Variants in FZD6 observed in about 807,000 individuals in gnomAD.
The protein encoded by FZD6 is frizzled class receptor 6, also known as frizzled-6.
FZD6 carries 49 observed loss-of-function variants against 61.4 expected under a neutral mutation model. The observed-to-expected ratio is 0.80, with a 90% CI of 0.63 to 1.01. The LOEUF (loss-of-function observed/expected upper bound fraction) is 1.01. FZD6 is among the 50% of genes least tolerant of loss of function. The pLI is 0.00. For synonymous variants in FZD6, 265 were observed against 292.2 expected, an observed-to-expected ratio of 0.91 and a Z score of 0.95; for missense variants, 724 against 848.2, an observed-to-expected ratio of 0.85 and a Z score of 1.82.
intron 3 of FZD6, among the ~76,000 whole-genome samples, chr8:103,320,586 A>G (rs1428847690): frequency 8.7e-6 from 1 of 115,352 alleles, no homozygotes; most frequent in East Asian, 2.3e-4. Context: ...ATCTATCCCA[A>G]TGAGGTTTTT....
chr8:103,329,415 A>G (rs915797183), intron 5 of FZD6, among the ~76,000 whole-genome samples: 14 of 119,852 alleles, frequency 1.2e-4, no homozygotes, highest in Non-Finnish European at 2.3e-4. Flanking sequence ...TCTTGCCTTA[A>G]TTTCTTGCCA....
intron 2 of FZD6, chr8:103,307,898 ACT>A: frequency 2.2e-6 from 1 of 456,074 alleles, no homozygotes. Flanking sequence ...CTACTTGGGA[ACT>A]TATAAGCAAG....
At chr8:103,308,470 C>T (rs1291341150) in intron 2 of FZD6, among the ~76,000 whole-genome samples, 4 of 152,068 alleles carry the variant, frequency 2.6e-5, no homozygotes, top group Non-Finnish European at 5.9e-5. Flanking sequence ...ATAACATAGA[C>T]AGTGATTGAA....
intron 6 of FZD6, among the ~76,000 whole-genome samples, chr8:103,330,384 A>T (rs934587545): frequency 6.6e-6 from 1 of 152,228 alleles, no homozygotes; most frequent in African/African-American, 2.4e-5. Context: ...AATTCTGTCT[A>T]AAAAGTGTCA....
chr8:103,298,623 G>C (rs1814038873), upstream of FZD6: 1 of 152,068 alleles, frequency 6.6e-6, no homozygotes, highest in South Asian at 2.1e-4. Flanking sequence ...TGCGCCTCGG[G>C]GGTCGTAACA....
chr8:103,303,124 T>A (rs1443976954), intron 2 of FZD6, among the ~76,000 whole-genome samples: 1 of 152,200 alleles, frequency 6.6e-6, no homozygotes, highest in Non-Finnish European at 1.5e-5. Context: ...AAAGACCTGG[T>A]TCTAGAGCAC....
intron 6 of FZD6, among the ~76,000 whole-genome samples, chr8:103,331,045 CACCCA>C (rs1399702487): frequency 1.3e-5 from 2 of 152,072 alleles, no homozygotes; most frequent in Admixed American, 6.6e-5. Flanking sequence ...GGTGTGGTGG[CACCCA>C]CCTGTAGTCC....
rs1048279178 is a variant in FZD6, at chr8:103,324,713, G to C, written c.607G>C (p.Gly203Arg). The part of the protein sequence containing the change: ...DELEFAKSFI[G>R]TVSIFCLCAT... ...GCTAGAGTTTGCAAAAAGTTTTATT[G>C]GAACAGTTTCAATATTTTGTCTTTG... Residue 203 changes from glycine (G) to arginine (R), a missense_variant, in exon 4 of 7, where the codon GGA becomes CGA. Coordinates refer to ENST00000358755, the MANE Select transcript of FZD6 (RefSeq NM_003506.4). 6.2e-7 allele frequency: 1 copy of C among 1,613,926 alleles called. No homozygotes were observed. Among genetic ancestry groups the C allele is most frequent in the Non-Finnish European group, 8.5e-7 (1 of 1,179,878 alleles).
intron 2 of FZD6, chr8:103,307,651 G>C (rs1468748923): frequency 2.4e-6 from 1 of 417,118 alleles, no homozygotes; most frequent in Non-Finnish European, 4.6e-6. Context: ...TTCTTTCATT[G>C]ATTTTATATA....
chr8:103,324,664 C>T lies in FZD6; in HGVS notation c.558C>T (p.Pro186=). The T allele has an allele frequency of 1.2e-6, 2 of 1,614,024 alleles. No individual in the cohort carries two copies. The highest frequency in any genetic ancestry group is 2.2e-5 in the South Asian group (2 of 91,082). ...LGIDQCAPPC[P]NMYFKSDELE... ...TTGACCAGTGTGCGCCTCCATGCCCCAACATGTATTTTAAAAGTGATGAGC... is the reference window on the plus strand; with the variant it reads ...TTGACCAGTGTGCGCCTCCATGCCCTAACATGTATTTTAAAAGTGATGAGC... The change falls in exon 4 of 7, where the codon CCC becomes CCT. Residue 186 remains proline (P), a synonymous_variant. Transcript: ENST00000358755.
intron 4 of FZD6, among the ~76,000 whole-genome samples, chr8:103,327,250 T>C (rs1283582933): frequency 1.3e-5 from 2 of 152,180 alleles, no homozygotes; most frequent in African/African-American, 4.8e-5. Flanking sequence ...TTAACAGGGA[T>C]AGTAGAATAA....
At chr8:103,328,136 T>C in intron 4 of FZD6, 132 bp from the exon 5 acceptor site, 1 of 687,012 alleles carries the variant, frequency 1.5e-6, no homozygotes, top group Non-Finnish European at 2.5e-6. Context: ...GCATGCTTCA[T>C]TATATTATTT....
At chr8:103,317,389 G>A (rs1212951921) in intron 2 of FZD6, among the ~76,000 whole-genome samples, 4 of 152,186 alleles carry the variant, frequency 2.6e-5, no homozygotes, top group Admixed American at 2.0e-4. Context: ...ATAAACTTAC[G>A]TTTTAAAGAA....
At chr8:103,326,221 A>T (rs1814948086) in intron 4 of FZD6, among the ~76,000 whole-genome samples, 1 of 152,188 alleles carries the variant, frequency 6.6e-6, no homozygotes, top group South Asian at 2.1e-4. Flanking sequence ...GTATCAAATT[A>T]AGCAATGGGA....
chr8:103,300,463 C>G (rs3116466), intron 2 of FZD6, among the ~76,000 whole-genome samples, 179 bp downstream of exon 2: 10 of 152,066 alleles, frequency 6.6e-5, no homozygotes, highest in Non-Finnish European at 8.8e-5. Flanking sequence ...TGTACCTTTG[C>G]GGCCCTGTTT....
intron 3 of FZD6, among the ~76,000 whole-genome samples, chr8:103,319,521 G>A (rs1002475880): frequency 6.6e-6 from 1 of 152,156 alleles, no homozygotes; most frequent in African/African-American, 2.4e-5. Context: ...GCAGCACTCT[G>A]GCAGTTTCTG....
intron 3 of FZD6, among the ~76,000 whole-genome samples, chr8:103,322,156 C>T (rs949822995): frequency 6.6e-6 from 1 of 152,044 alleles, no homozygotes; most frequent in Admixed American, 6.6e-5. Flanking sequence ...TATTCTACTG[C>T]GTTAAGATCA....
chr8:103,324,361 T>C (rs1455850415), intron 3 of FZD6, 120 bp from the exon 4 acceptor site: 1 of 630,936 alleles, frequency 1.6e-6, no homozygotes, highest in Non-Finnish European at 2.7e-6. Flanking sequence ...TTTAGATTTG[T>C]ATCTCTTCCC....
In FZD6 at chr8:103,324,576, T is replaced by C; in HGVS notation, c.470T>C (p.Ile157Thr). 1 of 1,613,808 alleles carries C rather than the reference T, an allele frequency of 6.2e-7. No homozygotes were observed. The highest frequency in any genetic ancestry group is 1.1e-5 in the South Asian group (1 of 91,088). The change falls in exon 4 of 7, where the codon ATT becomes ACT. Residue 157 changes from isoleucine (I) to threonine (T), a missense_variant. Transcript: ENST00000358755. Reference protein sequence around the residue: ...QKKTEQVQRDIGFWCPRHLKT... With the variant: ...QKKTEQVQRDTGFWCPRHLKT... ...AAAACAGAACAAGTCCAAAGAGACA[T>C]TGGATTTTGGTGTCCAAGGCATCTT...
Sources: gnomAD v4.1 joint callset for allele counts (sites outside exome capture counted in the v4.1 genomes callset) on GRCh38, gnomAD v4.1.1 for gene constraint, MANE v1.5 for transcripts, NCBI Gene and HGNC (gene_info 2026-07-23, HGNC 2026-07-21) for gene names.